Variants in EFCAB11 observed in about 807,000 individuals in gnomAD.
EFCAB11 encodes the protein EF-hand calcium-binding domain-containing protein 11.
EFCAB11 carries 14 observed loss-of-function variants against 23.0 expected under a neutral mutation model. The ratio of observed to expected loss-of-function variants is 0.61; its 90% CI spans 0.40 to 0.95. The LOEUF is 0.95. EFCAB11 is among the 40% of genes least tolerant of loss of function. The pLI, the probability that EFCAB11 is intolerant of heterozygous loss-of-function variation, is 0.00. For missense variants in EFCAB11, 198 were observed against 195.8 expected (o/e 1.01, Z -0.07); for synonymous variants, 65 against 66.6 (o/e 0.98, Z 0.11).
At chr14:89,843,162 C>T (rs1887325269) in intron 5 of EFCAB11, among the ~76,000 whole-genome samples, 1 of 152,104 alleles carries the variant, frequency 6.6e-6, no homozygotes, top group Non-Finnish European at 1.5e-5. Context: ...GGTTCTCAAA[C>T]TTTTTGGCTT....
intron 5 of EFCAB11, among the ~76,000 whole-genome samples, chr14:89,863,852 T>C (rs1888004744): frequency 6.6e-6 from 1 of 152,164 alleles, no homozygotes; most frequent in African/African-American, 2.4e-5. Flanking sequence ...TACTAACTAG[T>C]CAAGTAAAAA....
chr14:89,801,041 GAAA>G (rs1197084827), intron 5 of EFCAB11, among the ~76,000 whole-genome samples: 1 of 58,496 alleles, frequency 1.7e-5, no homozygotes. Context: ...CCTCAAAAAA[GAAA>G]AAAAAAAAAA....
chr14:89,815,981 C>G (rs957508300), intron 5 of EFCAB11, among the ~76,000 whole-genome samples: 1 of 152,148 alleles, frequency 6.6e-6, no homozygotes, highest in Non-Finnish European at 1.5e-5. Flanking sequence ...TTGGGTGGTA[C>G]TGACATTTTC....
chr14:89,804,477 G>T (rs74474130), intron 5 of EFCAB11, among the ~76,000 whole-genome samples: 5,687 of 152,308 alleles, frequency 0.037, 159 homozygotes, highest in Non-Finnish European at 0.059. Flanking sequence ...GTGGGATCAA[G>T]CTCCAATCGC....
intron 5 of EFCAB11, among the ~76,000 whole-genome samples, chr14:89,853,925 A>G (rs963952212): frequency 6.6e-6 from 1 of 152,218 alleles, no homozygotes; most frequent in Non-Finnish European, 1.5e-5. Context: ...TTAGCACAAA[A>G]AAGAGAATAA....
intron 5 of EFCAB11, among the ~76,000 whole-genome samples, chr14:89,888,183 G>A (rs1888851772): frequency 6.6e-6 from 1 of 152,246 alleles, no homozygotes; most frequent in South Asian, 2.1e-4. Context: ...TGTGATGGCT[G>A]GAGGTGGGGC....
chr14:89,859,210 T>C (rs1227964708), intron 5 of EFCAB11, among the ~76,000 whole-genome samples: 2 of 152,218 alleles, frequency 1.3e-5, no homozygotes, highest in African/African-American at 2.4e-5. Context: ...TTTAAAACTA[T>C]AACTTGGTAT....
chr14:89,920,770 A>G (rs1427968097), intron 5 of EFCAB11, among the ~76,000 whole-genome samples: 1 of 152,226 alleles, frequency 6.6e-6, no homozygotes, highest in Non-Finnish European at 1.5e-5. Context: ...AGTGATAAAG[A>G]AAGGCTACAT....
At chr14:89,917,668 G>A (rs537703473) in intron 5 of EFCAB11, among the ~76,000 whole-genome samples, 1 of 152,284 alleles carries the variant, frequency 6.6e-6, no homozygotes, top group South Asian at 2.1e-4. Context: ...GAAAACACTT[G>A]ACCATTAACA....
At chr14:89,839,923 G>A (rs1287982253) in intron 5 of EFCAB11, among the ~76,000 whole-genome samples, 5 of 152,126 alleles carry the variant, frequency 3.3e-5, no homozygotes, top group Non-Finnish European at 5.9e-5. Flanking sequence ...CCATCACCTC[G>A]CACCAGGCCC....
At chr14:89,923,689 A>G (rs1034833276) in intron 5 of EFCAB11, 1 of 985,396 alleles carries the variant, frequency 1.0e-6, no homozygotes, top group Non-Finnish European at 1.2e-6. Flanking sequence ...CAATAGTCAT[A>G]GTCACTAAAT....
rs186115842 is a variant in EFCAB11, at chr14:89,903,618, T to C, written c.410+27923A>G. ...TGTTTGCAAATGAAGAACACAAGAATGCAAAGTTTTAAAAATAGATCTGAG... is the reference window on the plus strand; with the variant it reads ...TGTTTGCAAATGAAGAACACAAGAACGCAAAGTTTTAAAAATAGATCTGAG... On this transcript the variant is annotated intron_variant, in intron 5 of 5. Coordinates refer to ENST00000316738, the MANE Select transcript of EFCAB11 (RefSeq NM_145231.4). 1.8e-4 allele frequency among the ~76,000 whole-genome samples: 27 copies of C among 152,212 alleles called. No individual in the cohort carries two copies. In the East Asian group the frequency reaches 3.7e-3, roughly 21 times the overall value.
chr14:89,953,464 C>G (rs941837449), intron 2 of EFCAB11, among the ~76,000 whole-genome samples: 7 of 152,198 alleles, frequency 4.6e-5, no homozygotes, highest in African/African-American at 1.7e-4. Flanking sequence ...GAGTGGGACC[C>G]TCTGGTAGGC....
chr14:89,931,434 T>C, intron 5 of EFCAB11, 107 bp downstream of exon 5: 1 of 1,043,956 alleles, frequency 9.6e-7, no homozygotes, highest in Non-Finnish European at 1.4e-6. Flanking sequence ...AGAAAAATGT[T>C]CCAGACTCAA....
intron 5 of EFCAB11, chr14:89,829,846 G>T (rs1886827541): frequency 6.6e-6 from 1 of 152,026 alleles, no homozygotes; most frequent in African/African-American, 2.4e-5. Flanking sequence ...ATCAAAAGAA[G>T]ATCTATGTCT....
chr14:89,873,854 A>G (rs1195175063), intron 5 of EFCAB11, among the ~76,000 whole-genome samples: 2 of 152,052 alleles, frequency 1.3e-5, no homozygotes, highest in African/African-American at 4.8e-5. Context: ...GGCTGCTTTC[A>G]CAGGATGGCA....
chr14:89,943,088 G>T (rs1890846818), intron 3 of EFCAB11, among the ~76,000 whole-genome samples: 1 of 152,132 alleles, frequency 6.6e-6, no homozygotes, highest in Non-Finnish European at 1.5e-5. Context: ...CCCTGCAAAA[G>T]AATCCTGTGG....
chr14:89,919,799 G>A (rs1421054479), intron 5 of EFCAB11, among the ~76,000 whole-genome samples: 4 of 152,162 alleles, frequency 2.6e-5, no homozygotes, highest in African/African-American at 4.8e-5. Context: ...CAGGAACTAC[G>A]AGGCTTCACA....
Position 89,874,889 on chromosome 14 carries a change from C to CA in EFCAB11, c.410+56651dup, listed in dbSNP as rs756026860. Among the ~76,000 whole-genome samples, 799 of 135,946 alleles carry CA rather than the reference C, an allele frequency of 5.9e-3. 2 individuals are homozygous for CA. Among genetic ancestry groups the CA allele is most frequent in the Middle Eastern group, 0.019 (5 of 264 alleles). 89.2% of individuals were successfully genotyped at this position (135,946 alleles called of 152,430 possible). ...CCTGGGCAACAGAGTGAAACTGTCTCAAAAAAAAAAAAAAGTACTCAAGTC... is the reference window on the plus strand; with the variant it reads ...CCTGGGCAACAGAGTGAAACTGTCTCAAAAAAAAAAAAAAAGTACTCAAGTC... On this transcript the variant is annotated intron_variant, in intron 5 of 5. Coordinates refer to ENST00000316738, the MANE Select transcript of EFCAB11 (RefSeq NM_145231.4).
Sources: gnomAD v4.1 joint callset for allele counts (sites outside exome capture counted in the v4.1 genomes callset) on GRCh38, gnomAD v4.1.1 for gene constraint, MANE v1.5 for transcripts, NCBI Gene and HGNC (gene_info 2026-07-23, HGNC 2026-07-21) for gene names.